SCIN: variants seen among roughly 807,000 people sequenced by gnomAD.
SCIN encodes the protein scinderin.
Under a neutral mutation model 91.8 loss-of-function variants are expected in SCIN, and 91 were observed. That is an observed-to-expected ratio of 0.99 (90% CI 0.84 to 1.18). The LOEUF is 1.18. SCIN is among the 50% of genes most tolerant of loss of function. The pLI is 0.00. For synonymous variants in SCIN, 367 were observed against 312.6 expected, an observed-to-expected ratio of 1.17 and a Z score of -1.84; for missense variants, 1,087 against 863.9, an observed-to-expected ratio of 1.26 and a Z score of -3.24.
chr7:12,580,728 T>C (rs6955842), intron 2 of SCIN, among the ~76,000 whole-genome samples: 1 of 152,136 alleles, frequency 6.6e-6, no homozygotes, highest in African/African-American at 2.4e-5. Context: ...CATTATTGAT[T>C]TGGGGATCAT....
At chr7:12,608,704 C>G (rs1783131731) in intron 4 of SCIN, among the ~76,000 whole-genome samples, 1 of 152,102 alleles carries the variant, frequency 6.6e-6, no homozygotes, top group African/African-American at 2.4e-5. Context: ...GTCTCAAACT[C>G]CTGACCTTGT....
intron 10 of SCIN, 95 bp downstream of exon 10, chr7:12,636,230 G>T (rs1468289180): frequency 2.4e-5 from 20 of 833,612 alleles, no homozygotes; most frequent in Non-Finnish European, 3.6e-5. Flanking sequence ...ATAGAAATTT[G>T]ACATTTTCTT....
intron 3 of SCIN, among the ~76,000 whole-genome samples, chr7:12,597,203 G>A (rs138930547): frequency 2.0e-5 from 3 of 152,258 alleles, no homozygotes; most frequent in African/African-American, 7.2e-5. Context: ...AAAAAGGTTC[G>A]TGGAGTTATC....
chr7:12,632,428 G>C (rs2529787), intron 9 of SCIN, among the ~76,000 whole-genome samples: 36,668 of 152,016 alleles, frequency 0.24, 5,030 homozygotes, highest in South Asian at 0.43. Context: ...ACTGCACCTG[G>C]CCTGTTTTTT....
chr7:12,625,251 A>C, intron 6 of SCIN, 109 bp downstream of exon 6: 1 of 1,014,822 alleles, frequency 9.9e-7, no homozygotes, highest in Non-Finnish European at 1.4e-6. Flanking sequence ...CTTTTAATTA[A>C]GACATGATCT....
rs1256491840 is a variant in SCIN, at chr7:12,658,536, A to G, written c.*5821A>G. The G allele has an allele frequency of 6.6e-6, 1 of 152,226 alleles. No individual in the cohort carries two copies. Among genetic ancestry groups the G allele is most frequent in the Non-Finnish European group, 1.5e-5 (1 of 68,024 alleles). 9.4% of individuals were successfully genotyped at this position (152,226 alleles called of 1,614,324 possible). ...TCCACATTTTAGAGTTTTGGCATGC[A>G]TAATGGAGTTTATGGCAGAGTTCAG... On this transcript the variant is annotated 3_prime_UTR_variant, in exon 16 of 16. Coordinates refer to ENST00000297029, the MANE Select transcript of SCIN (RefSeq NM_001112706.3).
At chr7:12,633,522 A>T (rs541174322) in intron 9 of SCIN, among the ~76,000 whole-genome samples, 21 of 152,332 alleles carry the variant, frequency 1.4e-4, no homozygotes, top group African/African-American at 5.1e-4. Flanking sequence ...GAGAGGTTTA[A>T]GATGAGTAGA....
At chr7:12,592,021 A>G (rs6966584) in intron 3 of SCIN, among the ~76,000 whole-genome samples, 141,699 of 152,218 alleles carry the variant, frequency 0.93, 66,007 homozygotes, top group East Asian at 1. Flanking sequence ...TTAAGGAAGT[A>G]AGGTTTCGGG....
At position 12,644,287 on chromosome 7, in the gene SCIN, C is replaced by T. The variant is rs2115297949; in HGVS notation, c.1731C>T (p.Thr577=). The T allele has an allele frequency of 6.3e-7, 1 of 1,593,972 alleles. No homozygotes were observed. Residue 577 remains threonine, a synonymous_variant, in exon 12 of 16, where the codon ACC becomes ACT. Transcript: ENST00000297029. The part of the protein sequence containing the change: ...EYVASVLKCK[T]LRIQEGEEPE... ...TAGCAAGTGTCCTAAAGTGCAAAAC[C>T]TTAAGGATCCAAGAAGGCGAGGAGC...
intron 3 of SCIN, among the ~76,000 whole-genome samples, chr7:12,601,318 G>A (rs1048750445): frequency 5.9e-5 from 9 of 152,274 alleles, no homozygotes; most frequent in African/African-American, 2.2e-4. Flanking sequence ...TTTGAGTGAA[G>A]AAATGACTCT....
chr7:12,631,945 C>G (rs2115281534), intron 9 of SCIN, among the ~76,000 whole-genome samples: 1 of 151,948 alleles, frequency 6.6e-6, no homozygotes, highest in East Asian at 1.9e-4. Flanking sequence ...ATTTAGGGAA[C>G]AAAAGATAAA....
In SCIN at chr7:12,622,781, C is replaced by T. The variant is rs1783435206; in HGVS notation, c.667-20C>T. ...AATGGGAGATCTTTATCTTTGCATC[C>T]ACTGCTCACTTTTTTCCAGGTCTTA... On this transcript the variant is annotated intron_variant, in intron 4 of 15. Coordinates refer to ENST00000297029, the MANE Select transcript of SCIN (RefSeq NM_001112706.3). The T allele has an allele frequency of 6.4e-7, 1 of 1,552,180 alleles. No individual in the cohort carries two copies. Among genetic ancestry groups the T allele is most frequent in the African/African-American group, 1.4e-5 (1 of 73,428 alleles).
chr7:12,639,410 G>A (rs1783814357), intron 10 of SCIN, among the ~76,000 whole-genome samples: 1 of 152,266 alleles, frequency 6.6e-6, no homozygotes, highest in South Asian at 2.1e-4. Flanking sequence ...GTATGTATAT[G>A]CATGTAATGA....
rs1341155807 is a variant in SCIN at position 12,605,587 on chromosome 7, A to C, written c.666+924A>C. On this transcript the variant is annotated intron_variant, in intron 4 of 15. Coordinates refer to ENST00000297029, the MANE Select transcript of SCIN (RefSeq NM_001112706.3). ...ATATGCACAGCCTGAAGATAAATTTATACAATATTTTAAATAATTTTGCGC... is the reference window on the plus strand; with the variant it reads ...ATATGCACAGCCTGAAGATAAATTTCTACAATATTTTAAATAATTTTGCGC... Among the ~76,000 whole-genome samples the C allele has an allele frequency of 5.3e-5, 8 of 152,206 alleles. No individual in the cohort carries two copies. In the East Asian group the frequency reaches 1.5e-3, roughly 29 times the overall value.
intron 15 of SCIN, 130 bp downstream of exon 15, chr7:12,652,031 C>G (rs1297991168): frequency 1.6e-6 from 1 of 609,376 alleles, no homozygotes; most frequent in Non-Finnish European, 2.8e-6. Context: ...CATTCCTCCT[C>G]AAAACTAAAG....
At chr7:12,572,208 CTTTTAA>C (rs1220904661) in intron 1 of SCIN, among the ~76,000 whole-genome samples, 1 of 152,166 alleles carries the variant, frequency 6.6e-6, no homozygotes, top group Non-Finnish European at 1.5e-5. Flanking sequence ...GAAGATAAGA[CTTTTAA>C]TTATAACATT....
At chr7:12,606,785 A>G (rs1783087945) in intron 4 of SCIN, among the ~76,000 whole-genome samples, 1 of 152,204 alleles carries the variant, frequency 6.6e-6, no homozygotes, top group Admixed American at 6.5e-5. Context: ...TCATTTTATA[A>G]TCAGAAAAAA....
chr7:12,606,445 A>C (rs1783081462), intron 4 of SCIN, among the ~76,000 whole-genome samples: 1 of 152,232 alleles, frequency 6.6e-6, no homozygotes, highest in Non-Finnish European at 1.5e-5. Flanking sequence ...TCCAGTGATC[A>C]GAAATTATAT....
intron 3 of SCIN, among the ~76,000 whole-genome samples, chr7:12,590,146 A>G (rs1210167947): frequency 6.6e-6 from 1 of 152,176 alleles, no homozygotes; most frequent in Non-Finnish European, 1.5e-5. Context: ...GACCAAATGT[A>G]GGGATGATTT....
Sources: gnomAD v4.1 joint callset for allele counts (sites outside exome capture counted in the v4.1 genomes callset) on GRCh38, gnomAD v4.1.1 for gene constraint, MANE v1.5 for transcripts, NCBI Gene and HGNC (gene_info 2026-07-23, HGNC 2026-07-21) for gene names.